PARN: variants seen among roughly 807,000 people sequenced by gnomAD.
PARN encodes poly(A)-specific ribonuclease.
In PARN, 71 loss-of-function variants were observed where a neutral mutation model predicts 102.8. That is an observed-to-expected ratio of 0.69 (90% CI 0.57 to 0.84). The LOEUF (loss-of-function observed/expected upper bound fraction) is 0.84, where lower values mean the gene tolerates loss of function less well. PARN is among the 40% of genes least tolerant of loss of function. The pLI, the probability that PARN is intolerant of heterozygous loss-of-function variation, is 0.00. For missense variants in PARN, 782 were observed against 760.9 expected, an observed-to-expected ratio of 1.03 and a Z score of -0.33; for synonymous variants, 261 against 252.9, an observed-to-expected ratio of 1.03 and a Z score of -0.30.
intron 22 of PARN, among the ~76,000 whole-genome samples, chr16:14,481,121 T>C (rs542997171): frequency 5.8e-4 from 88 of 152,280 alleles, no homozygotes; most frequent in Middle Eastern, 6.8e-3. Flanking sequence ...TAACACAAAC[T>C]TATCCTAAAA....
chr16:14,461,404 A>G lies in PARN; in HGVS notation c.1671-14323T>C, dbSNP rs115067596. Among the ~76,000 whole-genome samples the G allele has an allele frequency of 8.5e-3, 1,293 of 152,320 alleles. 21 individuals are homozygous for G. The highest frequency in any genetic ancestry group is 0.029 in the African/African-American group (1,213 of 41,572). On this transcript the variant is annotated intron_variant, in intron 22 of 23. Coordinates refer to ENST00000437198, the MANE Select transcript of PARN (RefSeq NM_002582.4). ...TTCTTCTTGCCATGTAACTTATGAT[A>G]TGCAGTGAGTGTTTCTTCTATGCCT...
intron 5 of PARN, among the ~76,000 whole-genome samples, chr16:14,624,121 G>A (rs975773867): frequency 3.9e-5 from 6 of 152,184 alleles, no homozygotes; most frequent in South Asian, 2.1e-4. Flanking sequence ...ATCTCACTGC[G>A]CACACAGGGT....
intron 21 of PARN, among the ~76,000 whole-genome samples, chr16:14,523,759 G>C (rs1456518602): frequency 1.3e-5 from 2 of 152,128 alleles, no homozygotes; most frequent in Admixed American, 1.3e-4. Flanking sequence ...AAGGATTAGG[G>C]ACATAAAGGG....
intron 22 of PARN, among the ~76,000 whole-genome samples, chr16:14,451,428 A>G (rs1961440711): frequency 6.6e-6 from 1 of 152,218 alleles, no homozygotes; most frequent in Non-Finnish European, 1.5e-5. Flanking sequence ...GGCTATATTC[A>G]TACAACGAAA....
In PARN at chr16:14,481,859, G is replaced by C. The variant is rs180710502; in HGVS notation, c.1670+779C>G. Among the ~76,000 whole-genome samples the C allele has an allele frequency of 2.4e-3, 366 of 152,282 alleles. 1 individual carries two copies. The highest frequency in any genetic ancestry group is 4.0e-3 in the Non-Finnish European group (274 of 68,020). On this transcript the variant is annotated intron_variant, in intron 22 of 23. Coordinates refer to ENST00000437198, the MANE Select transcript of PARN (RefSeq NM_002582.4). ...TTCACAAAGATACCAAATGTTGCCA[G>C]CATTTATCTTCTGCAGGGAGGATTA...
At chr16:14,618,313 C>G (rs1170497689) in intron 5 of PARN, among the ~76,000 whole-genome samples, 3 of 152,000 alleles carry the variant, frequency 2.0e-5, no homozygotes, top group Non-Finnish European at 4.4e-5. Context: ...TGGTCAAACT[C>G]CGTCTCTACT....
At chr16:14,563,420 A>T (rs1186831021) in intron 18 of PARN, among the ~76,000 whole-genome samples, 1 of 152,024 alleles carries the variant, frequency 6.6e-6, no homozygotes, top group Non-Finnish European at 1.5e-5. Flanking sequence ...CTGGCAGGCC[A>T]CTGAAGGCTG....
chr16:14,608,417 C>G (rs2151794208), intron 8 of PARN, 98 bp from the exon 9 acceptor site: 1 of 776,792 alleles, frequency 1.3e-6, no homozygotes, highest in South Asian at 1.7e-5. Context: ...TAAAAAGAGA[C>G]TTCATTAGAA....
At chr16:14,489,107 C>T (rs570843705) in intron 21 of PARN, among the ~76,000 whole-genome samples, 6 of 152,002 alleles carry the variant, frequency 3.9e-5, no homozygotes, top group African/African-American at 7.2e-5. Flanking sequence ...ACACACATGG[C>T]GGGGGTGTGT....
intron 21 of PARN, among the ~76,000 whole-genome samples, chr16:14,495,601 G>A (rs960594702): frequency 6.6e-6 from 1 of 152,220 alleles, no homozygotes; most frequent in Non-Finnish European, 1.5e-5. Flanking sequence ...ACAGCGAGAG[G>A]AGAGTGAGCG....
At chr16:14,549,536 GC>G (rs1349865792) in intron 21 of PARN, among the ~76,000 whole-genome samples, 5 of 152,152 alleles carry the variant, frequency 3.3e-5, no homozygotes, top group Non-Finnish European at 7.4e-5. Flanking sequence ...TAGCTTAAAA[GC>G]TACTGTTTTA....
chr16:14,589,669 C>T (rs991036139), intron 13 of PARN, among the ~76,000 whole-genome samples: 25 of 151,858 alleles, frequency 1.6e-4, no homozygotes, highest in African/African-American at 5.1e-4. Flanking sequence ...AATTCGAGAC[C>T]GGCCTGGCCA....
intron 21 of PARN, among the ~76,000 whole-genome samples, chr16:14,551,641 C>T (rs1181225268): frequency 6.8e-6 from 1 of 147,802 alleles, no homozygotes; most frequent in African/African-American, 2.5e-5. Flanking sequence ...GAATAAATCT[C>T]AAATATGTAT....
intron 18 of PARN, among the ~76,000 whole-genome samples, chr16:14,575,424 G>C (rs1041591225): frequency 1.3e-5 from 2 of 152,242 alleles, no homozygotes; most frequent in African/African-American, 2.4e-5. Flanking sequence ...TAATCTGAAC[G>C]TGAGACATGG....
chr16:14,448,100 T>G (rs1961285151), intron 22 of PARN, among the ~76,000 whole-genome samples: 1 of 152,062 alleles, frequency 6.6e-6, no homozygotes, highest in African/African-American at 2.4e-5. Flanking sequence ...CTCTCCTGCT[T>G]CAGCCTCCCA....
chr16:14,474,077 C>T (rs1481935882), intron 22 of PARN, among the ~76,000 whole-genome samples: 3 of 152,104 alleles, frequency 2.0e-5, no homozygotes, highest in Non-Finnish European at 2.9e-5. Flanking sequence ...ACTGGAGCCT[C>T]GACTTTCTGA....
At chr16:14,487,220 C>T (rs559678867) in intron 21 of PARN, among the ~76,000 whole-genome samples, 2 of 152,346 alleles carry the variant, frequency 1.3e-5, no homozygotes, top group African/African-American at 4.8e-5. Context: ...AACTAAACAG[C>T]TTGCCTGAGG....
intron 8 of PARN, 85 bp from the exon 9 acceptor site, chr16:14,608,404 C>T (rs1470441054): frequency 1.1e-6 from 1 of 890,448 alleles, no homozygotes; most frequent in Non-Finnish European, 1.7e-6. Context: ...AAGGATTTCG[C>T]TTTAAAAAGA....
intron 22 of PARN, 47 bp downstream of exon 22, chr16:14,482,591 C>T (rs747717790): frequency 7.1e-7 from 1 of 1,410,080 alleles, no homozygotes; most frequent in South Asian, 1.4e-5. Context: ...CAAGAAAAGC[C>T]ATTGCTAGAA....
Sources: allele counts gnomAD v4.1 joint callset (sites outside exome capture counted in the v4.1 genomes callset), GRCh38; gene constraint gnomAD v4.1.1; transcripts MANE v1.5; gene names NCBI Gene and HGNC (gene_info 2026-07-23, HGNC 2026-07-21).